Variants in PSMB7 observed in about 807,000 individuals in gnomAD.
PSMB7 encodes the protein proteasome 20S subunit beta 7.
Under a neutral mutation model 28.1 loss-of-function variants are expected in PSMB7, and 5 were observed. The ratio of observed to expected loss-of-function variants is 0.18; its 90% confidence interval spans 0.09 to 0.37. The LOEUF (loss-of-function observed/expected upper bound fraction) is 0.37, where lower values mean the gene tolerates loss of function less well. PSMB7 is among the 10% of genes least tolerant of loss of function. PSMB7 has a pLI of 1.00. For synonymous variants in PSMB7, 122 were observed against 123.7 expected, an observed-to-expected ratio of 0.99 and a Z score of 0.09; for missense variants, 275 against 346.2, an observed-to-expected ratio of 0.79 and a Z score of 1.63.
At chr9:124,410,840 G>T (rs540352937) in intron 4 of PSMB7, among the ~76,000 whole-genome samples, 1 of 152,304 alleles carries the variant, frequency 6.6e-6, no homozygotes, top group African/African-American at 2.4e-5. Flanking sequence ...GGGCCCTGAA[G>T]GGAACAGTGA....
intron 5 of PSMB7, among the ~76,000 whole-genome samples, chr9:124,391,237 G>A (rs1056369636): frequency 6.6e-6 from 1 of 152,196 alleles, no homozygotes; most frequent in Admixed American, 6.5e-5. Context: ...TCAAAGATAA[G>A]GAACGTGCCC....
intron 5 of PSMB7, among the ~76,000 whole-genome samples, chr9:124,400,952 A>G (rs1382577766): frequency 6.6e-6 from 1 of 152,210 alleles, no homozygotes; most frequent in East Asian, 1.9e-4. Context: ...TTATTACAGA[A>G]ATTCTATAGG....
chr9:124,386,498 T>G (rs760600685), intron 5 of PSMB7, among the ~76,000 whole-genome samples: 1 of 152,168 alleles, frequency 6.6e-6, no homozygotes, highest in Non-Finnish European at 1.5e-5. Context: ...ACAGCTGCCA[T>G]GAACGAACGA....
chr9:124,393,529 A>T (rs1830810794), intron 5 of PSMB7, among the ~76,000 whole-genome samples: 1 of 152,218 alleles, frequency 6.6e-6, no homozygotes, highest in African/African-American at 2.4e-5. Context: ...ATTCCATTTA[A>T]TTTGCTAAAA....
intron 6 of PSMB7, among the ~76,000 whole-genome samples, chr9:124,367,759 T>C (rs1288240947): frequency 6.6e-6 from 1 of 152,146 alleles, no homozygotes; most frequent in African/African-American, 2.4e-5. Context: ...GTCATGAGGA[T>C]GATACGAAGT....
At chr9:124,414,975 C>A (rs1309857831) in intron 1 of PSMB7, 40 bp from the exon 2 acceptor site, 2 of 1,378,056 alleles carry the variant, frequency 1.5e-6, no homozygotes, top group African/African-American at 2.9e-5. Context: ...AAGGGCAGGA[C>A]CACATCGCAC....
chr9:124,415,050 C>A (rs1831072680), intron 1 of PSMB7, 115 bp from the exon 2 acceptor site: 1 of 690,230 alleles, frequency 1.4e-6, no homozygotes, highest in Non-Finnish European at 2.4e-6. Flanking sequence ...TCACGCCCAT[C>A]TGTTTAATGA....
chr9:124,400,935 C>A (rs1366598871), intron 5 of PSMB7, among the ~76,000 whole-genome samples: 4 of 152,170 alleles, frequency 2.6e-5, no homozygotes, highest in Non-Finnish European at 5.9e-5. Context: ...TTCTGTACAG[C>A]TTGCTATTAT....
intron 6 of PSMB7, among the ~76,000 whole-genome samples, chr9:124,379,714 A>AT (rs1005691637): frequency 6.6e-6 from 1 of 151,896 alleles, no homozygotes; most frequent in African/African-American, 2.4e-5. Flanking sequence ...CCCCATCTTC[A>AT]TTTTCCCTGT....
chr9:124,367,103 T>A (rs1830516135), intron 6 of PSMB7, among the ~76,000 whole-genome samples: 1 of 152,026 alleles, frequency 6.6e-6, no homozygotes, highest in South Asian at 2.1e-4. Flanking sequence ...GAGTTGATGA[T>A]AATATTCTCA....
At position 124,384,460 on chromosome 9, in the gene PSMB7, G is replaced by T; in HGVS notation, c.570+138C>A. 4 of 800,936 alleles carry T rather than the reference G, an allele frequency of 5.0e-6. No homozygotes were observed. In the South Asian group the frequency reaches 6.2e-5, roughly 13 times the overall value. The allele number at this position is 800,936 out of a possible 1,614,324, so 49.6% of individuals were successfully genotyped here. A position where few individuals can be genotyped will look rare whatever the true frequency, so the allele number is the denominator to read the frequency against. ...AGGAAGCTGGTCTCTTCGGCAAACA[G>T]ACCATCTGTGCCAAAGAACATTCCA... On this transcript the variant is annotated intron_variant, in intron 6 of 7. Transcript: ENST00000259457.
intron 7 of PSMB7, among the ~76,000 whole-genome samples, chr9:124,354,499 C>G (rs546613903): frequency 4.8e-4 from 73 of 152,336 alleles, no homozygotes; most frequent in African/African-American, 1.6e-3. Flanking sequence ...AGGCTGCTGG[C>G]TGTGCCATGG....
At chr9:124,414,718 G>A in intron 2 of PSMB7, 124 bp downstream of exon 2, 1 of 740,866 alleles carries the variant, frequency 1.3e-6, no homozygotes, top group Non-Finnish European at 2.4e-6. Flanking sequence ...CCTGAAAGAC[G>A]GTCTCCTGAT....
chr9:124,368,634 A>C (rs1401706640), intron 6 of PSMB7, among the ~76,000 whole-genome samples: 1 of 152,228 alleles, frequency 6.6e-6, no homozygotes, highest in Non-Finnish European at 1.5e-5. Flanking sequence ...GATATCATTT[A>C]ATTTTCCCAT....
At chr9:124,364,633 A>AC (rs761797240) in intron 6 of PSMB7, among the ~76,000 whole-genome samples, 9 of 152,170 alleles carry the variant, frequency 5.9e-5, no homozygotes, top group Non-Finnish European at 1.3e-4. Context: ...GATCCTCATC[A>AC]CATTTCTCTC....
chr9:124,413,593 T>G (rs994601022), intron 3 of PSMB7, among the ~76,000 whole-genome samples: 1 of 151,938 alleles, frequency 6.6e-6, no homozygotes, highest in Non-Finnish European at 1.5e-5. Flanking sequence ...AAAGAACCTC[T>G]ATGGTTCAAG....
intron 6 of PSMB7, among the ~76,000 whole-genome samples, chr9:124,365,238 A>G (rs970466724): frequency 6.6e-6 from 1 of 152,194 alleles, no homozygotes; most frequent in Non-Finnish European, 1.5e-5. Flanking sequence ...AGAAGGGGAA[A>G]CAAGGAGATA....
At chr9:124,408,353 A>G (rs1376382173) in intron 4 of PSMB7, among the ~76,000 whole-genome samples, 1 of 152,232 alleles carries the variant, frequency 6.6e-6, no homozygotes, top group African/African-American at 2.4e-5. Flanking sequence ...ATTAAATCAC[A>G]TGAGTACCCA....
chr9:124,357,004 G>A, intron 6 of PSMB7, 89 bp from the exon 7 acceptor site: 6 of 1,397,750 alleles, frequency 4.3e-6, no homozygotes, highest in Non-Finnish European at 5.9e-6. Context: ...CAGTGCGCAA[G>A]ACCTCCCGCG....
Sources: allele counts gnomAD v4.1 joint callset (sites outside exome capture counted in the v4.1 genomes callset), GRCh38; gene constraint gnomAD v4.1.1; transcripts MANE v1.5; gene names NCBI Gene and HGNC (gene_info 2026-07-23, HGNC 2026-07-21).